The following EEA1 variants were observed in gnomAD, a reference collection of about 807,000 sequenced individuals.
EEA1 encodes the protein early endosome antigen 1.
In EEA1, 111 loss-of-function variants were observed where a neutral mutation model predicts 209.2. That is an observed-to-expected ratio of 0.53 (90% confidence interval 0.45 to 0.62). The LOEUF is 0.62. EEA1 is among the 20% of genes least tolerant of loss of function. The probability of loss-of-function intolerance (pLI) is 0.00; values close to 1 mark genes in which losing one functional copy is unlikely to be tolerated. For missense variants in EEA1, 1,343 were observed against 1,530.8 expected, an observed-to-expected ratio of 0.88 and a Z score of 2.05; for synonymous variants, 536 against 540.6, an observed-to-expected ratio of 0.99 and a Z score of 0.12.
intron 2 of EEA1, among the ~76,000 whole-genome samples, chr12:92,876,943 G>GTTT (rs112295596): frequency 7.0e-6 from 1 of 142,486 alleles, no homozygotes; most frequent in Non-Finnish European, 1.5e-5. Flanking sequence ...CCTGGGTGTT[G>GTTT]TTTTTTTTTT....
At position 92,782,134 on chromosome 12, in the gene EEA1, G is replaced by A; in HGVS notation, c.3152C>T (p.Ser1051Phe). The change falls in exon 23 of 29, where the codon TCT becomes TTT. Residue 1051 changes from serine (S) to phenylalanine (F), a missense_variant and splice_region_variant. This residue lies in a region of EEA1 where 1,307 missense variants were observed against 1,465.5 expected (regional missense o/e 0.89). Transcript: ENST00000322349. ...TGCTAGAGAAAGCTTCTCTTCTACAGACTTACAAAAACAATTTTCCCAAAT... is the reference window on the plus strand; with the variant it reads ...TGCTAGAGAAAGCTTCTCTTCTACAAACTTACAAAAACAATTTTCCCAAAT... ...ELLATRQDLK[S>F]VEEKLSLAQE... The A allele has an allele frequency of 2.5e-6, 4 of 1,589,630 alleles. No homozygotes were observed. The highest frequency in any genetic ancestry group is 2.2e-5 in the East Asian group (1 of 44,528).
intron 15 of EEA1, 117 bp from the exon 16 acceptor site, chr12:92,813,210 A>C: frequency 1.8e-6 from 1 of 554,724 alleles, no homozygotes; most frequent in Non-Finnish European, 3.0e-6. Context: ...CTTGGCAAAA[A>C]CATATGGATT....
At chr12:92,874,135 A>T (rs1414598754) in intron 2 of EEA1, among the ~76,000 whole-genome samples, 12 of 152,092 alleles carry the variant, frequency 7.9e-5, no homozygotes, top group African/African-American at 2.9e-4. Context: ...CAACATGGCA[A>T]ATTCCCATCT....
At chr12:92,920,905 A>T (rs1282501472) in intron 1 of EEA1, among the ~76,000 whole-genome samples, 2 of 151,448 alleles carry the variant, frequency 1.3e-5, no homozygotes, top group East Asian at 3.9e-4. Context: ...TTTACAAGAA[A>T]AAAACAAACA....
intron 13 of EEA1, 118 bp from the exon 14 acceptor site, chr12:92,819,629 A>G (rs1298565055): frequency 1.5e-6 from 1 of 650,024 alleles, no homozygotes; most frequent in Non-Finnish European, 2.4e-6. Context: ...CATTTTTTAA[A>G]ACTATTACAT....
In EEA1 at chr12:92,836,938, T is replaced by C. The variant is rs148170125; in HGVS notation, c.916-4088A>G. On this transcript the variant is annotated intron_variant, in intron 10 of 28. Transcript: ENST00000322349. ...GAGTTTGAGGCCAGCCTGACCCACA[T>C]GGTGAAACCCCGTCTCTACTAAAAA... Among the ~76,000 whole-genome samples the C allele has an allele frequency of 5.3e-3, 811 of 152,070 alleles. 9 individuals are homozygous for C. The highest frequency in any genetic ancestry group is 0.019 in the African/African-American group (777 of 41,502).
intron 21 of EEA1, 46 bp from the exon 22 acceptor site, chr12:92,788,095 C>T: frequency 7.1e-7 from 1 of 1,410,500 alleles, no homozygotes; most frequent in South Asian, 1.8e-5. Flanking sequence ...TTCCAAAAAC[C>T]AATTACAAAT....
intron 21 of EEA1, among the ~76,000 whole-genome samples, chr12:92,793,711 G>A (rs1874518883): frequency 6.6e-6 from 1 of 152,122 alleles, no homozygotes; most frequent in Admixed American, 6.5e-5. Flanking sequence ...ACTGCCCAAA[G>A]TAATTTATAG....
chr12:92,920,287 C>A (rs1880935523), intron 1 of EEA1, among the ~76,000 whole-genome samples: 1 of 109,820 alleles, frequency 9.1e-6, no homozygotes, highest in Non-Finnish European at 1.9e-5. Flanking sequence ...CCCGCATCGC[C>A]AAGTCAATCC....
At chr12:92,829,796 AC>A (rs60412859) in intron 11 of EEA1, among the ~76,000 whole-genome samples, 58,350 of 111,304 alleles carry the variant, frequency 0.52, 16,715 homozygotes, top group East Asian at 0.86. Flanking sequence ...AAAAAAAAAA[AC>A]AAAAAACAAG....
chr12:92,903,632 T>C (rs1357358092), intron 1 of EEA1, among the ~76,000 whole-genome samples: 2 of 151,500 alleles, frequency 1.3e-5, no homozygotes, highest in African/African-American at 2.4e-5. Flanking sequence ...GCATATGATA[T>C]ATGATACATC....
At chr12:92,915,621 A>G (rs1880737658) in intron 1 of EEA1, among the ~76,000 whole-genome samples, 1 of 152,200 alleles carries the variant, frequency 6.6e-6, no homozygotes. Flanking sequence ...GTAGAGTTGC[A>G]ATTAACACTT....
At chr12:92,829,332 A>G (rs1270041814) in intron 11 of EEA1, among the ~76,000 whole-genome samples, 3 of 152,158 alleles carry the variant, frequency 2.0e-5, no homozygotes, top group Non-Finnish European at 4.4e-5. Context: ...GAAAAAAAGA[A>G]AGCATAAATG....
intron 22 of EEA1, among the ~76,000 whole-genome samples, chr12:92,783,566 T>A (rs1873999675): frequency 6.6e-6 from 1 of 152,200 alleles, no homozygotes; most frequent in Non-Finnish European, 1.5e-5. Flanking sequence ...CTCATCTATA[T>A]CGTAGAAGTA....
At position 92,919,189 on chromosome 12, in the gene EEA1, C is replaced by T. The variant is rs1165477185; in HGVS notation, c.24+9854G>A. 5.8e-3 allele frequency among the ~76,000 whole-genome samples: 870 copies of T among 149,718 alleles called. 5 individuals carry two copies. Among genetic ancestry groups the T allele is most frequent in the African/African-American group, 0.02 (830 of 41,054 alleles). On this transcript the variant is annotated intron_variant, in intron 1 of 28. Coordinates refer to ENST00000322349, the MANE Select transcript of EEA1 (RefSeq NM_003566.4). The stretch of plus-strand genomic sequence containing the variant: ...GGTACAAGGAGGAACTGGTACCATT[C>T]CTTCTGAAACTATTCCAATCAATAG...
intron 13 of EEA1, among the ~76,000 whole-genome samples, chr12:92,820,612 G>A (rs546064187): frequency 4.6e-5 from 7 of 152,216 alleles, no homozygotes. Flanking sequence ...GGGGCAAGGA[G>A]AGGGAGAGCA....
chr12:92,842,092 G>T (rs1160694056), intron 10 of EEA1, among the ~76,000 whole-genome samples: 2 of 152,056 alleles, frequency 1.3e-5, no homozygotes, highest in Non-Finnish European at 2.9e-5. Context: ...GTCACAAAAA[G>T]ACAAATACTG....
chr12:92,927,791 G>A (rs1881264369), intron 1 of EEA1, among the ~76,000 whole-genome samples: 1 of 152,180 alleles, frequency 6.6e-6, no homozygotes, highest in Non-Finnish European at 1.5e-5. Flanking sequence ...CCTTGTTACT[G>A]CCAAAATCAT....
At chr12:92,927,995 T>C (rs1315864665) in intron 1 of EEA1, among the ~76,000 whole-genome samples, 1 of 152,226 alleles carries the variant, frequency 6.6e-6, no homozygotes, top group Admixed American at 6.5e-5. Context: ...TCAACTCTCT[T>C]CCGCACATTC....
Sources: gnomAD v4.1 joint callset for allele counts (sites outside exome capture counted in the v4.1 genomes callset) on GRCh38, gnomAD v4.1.1 for gene constraint, gnomAD v4.1.1 regional missense constraint, MANE v1.5 for transcripts, NCBI Gene and HGNC (gene_info 2026-07-23, HGNC 2026-07-21) for gene names.